NOD2: variants seen among roughly 807,000 people sequenced by gnomAD.
NOD2 encodes the protein nucleotide binding oligomerization domain containing 2.
In NOD2, 86 loss-of-function variants were observed where a neutral mutation model predicts 90.9. The observed-to-expected ratio is 0.95, with a 90% CI of 0.79 to 1.13. The LOEUF (loss-of-function observed/expected upper bound fraction) is 1.13, where lower values mean the gene tolerates loss of function less well. Ranked by LOEUF, NOD2 falls within the 50% of genes most tolerant of loss-of-function variation. The probability of loss-of-function intolerance (pLI) is 0.00; values close to 1 mark genes in which losing one functional copy is unlikely to be tolerated. For synonymous variants in NOD2, 581 were observed against 554.6 expected (o/e 1.05, Z -0.67); for missense variants, 1,238 against 1,283.8 (o/e 0.96, Z 0.55).
chr16:50,710,620 C>T lies in NOD2; in HGVS notation c.628C>T (p.Leu210Phe), dbSNP rs1263235006. The change falls in exon 4 of 12, where the codon CTC (leucine) becomes TTC (phenylalanine). Residue 210 changes from leucine to phenylalanine, a missense_variant. Leu to Phe is a conservative substitution (Grantham distance 22, BLOSUM62 0). Transcript: ENST00000647318. ...CACGGTGTCTGCTCAGTCTCGCTTC[C>T]TCAGTACCTATGATGGAGCAGAGAC... ...RTTVSAQSRFLSTYDGAETLC... is the reference protein window; with the variant it reads ...RTTVSAQSRFFSTYDGAETLC... 2 of 1,614,200 alleles carry T rather than the reference C, an allele frequency of 1.2e-6. No individual in the cohort carries two copies. Among genetic ancestry groups the T allele is most frequent in the Admixed American group, 1.7e-5 (1 of 60,022 alleles).
chr16:50,707,342 G>C (rs1243520317), intron 2 of NOD2, among the ~76,000 whole-genome samples: 3 of 152,214 alleles, frequency 2.0e-5, no homozygotes, highest in Non-Finnish European at 4.4e-5. Flanking sequence ...GGTTTGGCAG[G>C]TGCATGGGCA....
rs1291743549 is a variant in NOD2 at position 50,720,024 on chromosome 16, G to A, written c.2633+16G>A. On this transcript the variant is annotated intron_variant, in intron 7 of 11. Coordinates refer to ENST00000647318, the MANE Select transcript of NOD2 (RefSeq NM_001370466.1). ...AGTTCCTGGGGTAGGTTGGATTCCA[G>A]GAAGAGGGACCTGCATGGAGGGGCT... The A allele has an allele frequency of 1.9e-6, 3 of 1,611,402 alleles. No homozygotes were observed. The highest frequency in any genetic ancestry group is 2.2e-5 in the East Asian group (1 of 44,890).
chr16:50,697,403 A>G, intron 1 of NOD2: 1 of 1,239,792 alleles, frequency 8.1e-7, no homozygotes, highest in East Asian at 2.5e-5. Flanking sequence ...GCCTGGGGTC[A>G]GATGGGGAGT....
intron 1 of NOD2, chr16:50,697,026 G>A: frequency 1.6e-6 from 1 of 608,900 alleles, no homozygotes; most frequent in Non-Finnish European, 3.0e-6. Context: ...TGGTCTCCAG[G>A]ATGCACAAGG....
chr16:50,710,556 A>G lies in NOD2; in HGVS notation c.566-2A>G, dbSNP rs754550336. 1.2e-6 allele frequency: 2 copies of G among 1,614,168 alleles called. No individual in the cohort carries two copies. The highest frequency in any genetic ancestry group is 1.7e-6 in the Non-Finnish European group (2 of 1,180,032). On this transcript the variant is annotated splice_acceptor_variant, in intron 3 of 11. Transcript: ENST00000647318. LOFTEE classifies it high-confidence loss of function. ...TCATCTGCCTCTTCTTCTGCCTTCC[A>G]GCTGCCACATGCAAGAAGTATATGG... is the stretch of plus-strand genomic sequence containing the variant.
rs104895481 is a variant in NOD2, at chr16:50,711,082, C to T, written c.1090C>T (p.Arg364Cys). Residue 364 changes from arginine (R) to cysteine (C), a missense_variant, in exon 4 of 12, where the codon CGT becomes TGT. Arg to Cys is a radical substitution (Grantham distance 180, BLOSUM62 -3). This residue lies in a region of NOD2 where 567 missense variants were observed against 577.3 expected (regional missense o/e 0.98). Coordinates refer to ENST00000647318, the MANE Select transcript of NOD2 (RefSeq NM_001370466.1). ...CGAGTTCAAGTTCAGGTTCACGGAT[C>T]GTGAACGCCACTGCTCCCCGACCGA... The part of the protein sequence containing the change: ...FDEFKFRFTD[R>C]ERHCSPTDPT... The T allele has an allele frequency of 2.6e-5, 42 of 1,614,208 alleles. 1 individual carries two copies. The Middle Eastern group carries it at 4.9e-4, about 19-fold the overall frequency.
intron 6 of NOD2, among the ~76,000 whole-genome samples, chr16:50,719,244 C>T: frequency 6.6e-6 from 1 of 152,142 alleles, no homozygotes. Context: ...ATAATATCTG[C>T]CTTATAGGAT....
rs116765287 is a variant in NOD2, at chr16:50,713,833, C to T, written c.2381+1460C>T. Among the ~76,000 whole-genome samples, 1,448 of 152,246 alleles carry T rather than the reference C, an allele frequency of 9.5e-3. 27 individuals are homozygous for T. The highest frequency in any genetic ancestry group is 0.033 in the African/African-American group (1,385 of 41,520). Reference sequence around the variant, plus strand: ...CCTCACCCCAACTCTTGCTCCTGGCCAGCGCCTTCCACCAGCTGGACCCAT... The same window carrying T: ...CCTCACCCCAACTCTTGCTCCTGGCTAGCGCCTTCCACCAGCTGGACCCAT... On this transcript the variant is annotated intron_variant, in intron 4 of 11. Coordinates refer to ENST00000647318, the MANE Select transcript of NOD2 (RefSeq NM_001370466.1).
chr16:50,698,954 G>A (rs1446545610), intron 1 of NOD2, among the ~76,000 whole-genome samples: 1 of 149,640 alleles, frequency 6.7e-6, no homozygotes, highest in African/African-American at 2.5e-5. Context: ...TTGAGAAACG[G>A]TCTTGCTCTC....
rs746911440 is a variant in NOD2, at chr16:50,723,305, G to T, written c.2722G>T (p.Val908Leu). Residue 908 changes from valine (V) to leucine (L), a missense_variant, in exon 9 of 12, where the codon GTG (valine) becomes TTG (leucine). By Grantham distance (32) the Val-to-Leu change is conservative (BLOSUM62 1). Around this residue, in one of 3 missense-constraint regions of NOD2, gnomAD observed 667 missense variants for 688.7 expected, o/e 0.97. Transcript: ENST00000647318. ...TTGTTCCATGATTACCTCCAGCCTG[G>T]TGGGGAACAACATTGGCAGTGTGGG... ...DHQSLRWLSL[V>L]GNNIGSVGAQ... 5.6e-6 allele frequency: 9 copies of T among 1,613,678 alleles called. No homozygotes were observed. Among genetic ancestry groups the T allele is most frequent in the Non-Finnish European group, 7.6e-6 (9 of 1,179,842 alleles).
At chr16:50,719,659 A>G in intron 6 of NOD2, 1 of 608,590 alleles carries the variant, frequency 1.6e-6, no homozygotes. Flanking sequence ...ACCTCCCAGG[A>G]CAGCTGCCTA....
At chr16:50,731,586 C>T (rs1308624609) in intron 11 of NOD2, among the ~76,000 whole-genome samples, 161 bp from the exon 12 acceptor site, 2 of 152,066 alleles carry the variant, frequency 1.3e-5, no homozygotes, top group African/African-American at 2.4e-5. Flanking sequence ...CCCTGGTTGG[C>T]CAAGGGTAAA....
chr16:50,713,455 T>C, intron 4 of NOD2: 1 of 152,174 alleles, frequency 6.6e-6, no homozygotes. Context: ...ATAGGGACCA[T>C]GGTCTTTAGG....
At chr16:50,717,555 G>A (rs986697335) in intron 6 of NOD2, among the ~76,000 whole-genome samples, 2 of 152,112 alleles carry the variant, frequency 1.3e-5, no homozygotes, top group Non-Finnish European at 2.9e-5. Flanking sequence ...AGATATTCTT[G>A]CCTCCTGTGA....
intron 6 of NOD2, among the ~76,000 whole-genome samples, chr16:50,718,456 G>T (rs1248340764): frequency 6.6e-6 from 1 of 152,246 alleles, no homozygotes; most frequent in Non-Finnish European, 1.5e-5. Context: ...TAAAATGTAT[G>T]AATTGTTTAT....
At chr16:50,701,807 A>C (rs1272641265) in intron 2 of NOD2, among the ~76,000 whole-genome samples, 1 of 152,246 alleles carries the variant, frequency 6.6e-6, no homozygotes, top group Admixed American at 6.5e-5. Flanking sequence ...GGAAATCAGA[A>C]AATATTCAGA....
At chr16:50,704,085 T>C (rs2150791992) in intron 2 of NOD2, among the ~76,000 whole-genome samples, 1 of 152,308 alleles carries the variant, frequency 6.6e-6, no homozygotes. Context: ...ACGATATTAG[T>C]TCATGGTGAA....
intron 2 of NOD2, 136 bp downstream of exon 2, chr16:50,700,090 G>A (rs1963869869): frequency 3.9e-6 from 3 of 773,348 alleles, no homozygotes; most frequent in Non-Finnish European, 4.3e-6. Flanking sequence ...AGCCAGGCAG[G>A]TAAAATTTGC....
chr16:50,700,792 T>C (rs1222365455), intron 2 of NOD2, among the ~76,000 whole-genome samples: 1 of 152,262 alleles, frequency 6.6e-6, no homozygotes, highest in African/African-American at 2.4e-5. Context: ...ATATTGAATT[T>C]ATTTTATAAT....
Sources: allele counts gnomAD v4.1 joint callset (sites outside exome capture counted in the v4.1 genomes callset), GRCh38; gene constraint gnomAD v4.1.1; regional missense constraint gnomAD v4.1.1; transcripts MANE v1.5; gene names NCBI Gene and HGNC (gene_info 2026-07-23, HGNC 2026-07-21).